Variants in EDDM13 observed in about 807,000 individuals in gnomAD.
EDDM13 encodes the protein epididymal protein 13.
A neutral mutation model predicts 17.8 loss-of-function variants in EDDM13; 24 were observed. The observed-to-expected ratio is 1.35, with a 90% CI of 0.98 to 1.90. The LOEUF is 1.90. EDDM13 is among the 40% of genes most tolerant of loss of function. The pLI, the probability that EDDM13 is intolerant of heterozygous loss-of-function variation, is 0.00. For synonymous variants in EDDM13, 31 were observed against 37.5 expected (o/e 0.83, Z 0.63); for missense variants, 97 against 100.8 (o/e 0.96, Z 0.16).
intron 4 of EDDM13, chr19:56,283,815 T>C (rs1481503654): frequency 6.6e-6 from 1 of 152,348 alleles, no homozygotes; most frequent in South Asian, 2.1e-4. Context: ...AAAGGGCTGG[T>C]GTGGGGTAAA....
intron 1 of EDDM13, chr19:56,274,370 CT>C (rs750375435): frequency 2.6e-5 from 4 of 151,750 alleles, no homozygotes; most frequent in Non-Finnish European, 5.9e-5. Flanking sequence ...AGGAAAATCG[CT>C]TGAACTCAGG....
chr19:56,282,931 G>T (rs1179335045), intron 4 of EDDM13: 1 of 152,258 alleles, frequency 6.6e-6, no homozygotes, highest in Non-Finnish European at 1.5e-5. Context: ...TAGGTGGAAT[G>T]AGACCATGGC....
intron 4 of EDDM13, 51 bp from the exon 5 acceptor site, chr19:56,284,147 C>T (rs546621886): frequency 9.1e-6 from 9 of 985,380 alleles, no homozygotes; most frequent in Admixed American, 1.2e-4. Flanking sequence ...TTCTGGACCA[C>T]GCATGTAACC....
Position 56,310,105 on chromosome 19 carries a change from T to C in EDDM13, c.462-19T>C, listed in dbSNP as rs1427841365. On this transcript the variant is annotated intron_variant, in intron 14 of 14. Coordinates refer to ENST00000649256, the MANE Select transcript of EDDM13 (RefSeq NM_001354658.2). The stretch of plus-strand genomic sequence containing the variant: ...AGACGAAAATCAATGCACAAATACA[T>C]TTCTCTCTCCTTTCTTAGGGATGAT... The C allele has an allele frequency of 6.6e-6, 1 of 152,260 alleles. No individual in the cohort carries two copies. Among genetic ancestry groups the C allele is most frequent in the Non-Finnish European group, 1.5e-5 (1 of 68,070 alleles). The allele number at this position is 152,260 out of a possible 1,614,324, so 9.4% of individuals were successfully genotyped here. A position where few individuals can be genotyped will look rare whatever the true frequency, so the allele number is the denominator to read the frequency against.
At chr19:56,282,174 G>A (rs1183401025) in intron 3 of EDDM13, among the ~76,000 whole-genome samples, 2 of 152,164 alleles carry the variant, frequency 1.3e-5, no homozygotes, top group Non-Finnish European at 2.9e-5. Flanking sequence ...GAGAAGTGGA[G>A]ATGACACTTG....
Position 56,302,063 on chromosome 19 carries a change from T to C in EDDM13, c.391T>C (p.Tyr131His), listed in dbSNP as rs944718112. 1.5e-5 allele frequency: 19 copies of C among 1,231,634 alleles called. No individual in the cohort carries two copies. Among genetic ancestry groups the C allele is most frequent in the South Asian group, 4.1e-5 (1 of 24,316 alleles). 76.3% of individuals were successfully genotyped at this position (1,231,634 alleles called of 1,614,324 possible). The change falls in exon 13 of 15, where the codon TAC becomes CAC. Residue 131 changes from tyrosine to histidine, a missense_variant. Tyr to His is a moderately conservative substitution (Grantham distance 83). Coordinates refer to ENST00000649256, the MANE Select transcript of EDDM13 (RefSeq NM_001354658.2). ...FLKCAYMVMT[Y>H]LFVSYNKGDW... ...GAAATGCGCCTACATGGTGATGACC[T>C]ACCTCTTCGTATCCTACAACAAAGG...
chr19:56,288,241 CCT>C (rs2039269902), intron 6 of EDDM13, among the ~76,000 whole-genome samples, 142 bp from the exon 7 acceptor site: 1 of 152,316 alleles, frequency 6.6e-6, no homozygotes, highest in Middle Eastern at 3.4e-3. Context: ...CCATCATGCC[CCT>C]GAGGTGGGCT....
chr19:56,309,830 T>C (rs908273157), intron 14 of EDDM13, among the ~76,000 whole-genome samples: 13 of 152,156 alleles, frequency 8.5e-5, no homozygotes, highest in African/African-American at 3.1e-4. Context: ...GGCTGGTTTC[T>C]AGAAGAGCCC....
chr19:56,306,152 C>A (rs1335630066), intron 14 of EDDM13, among the ~76,000 whole-genome samples: 2 of 152,162 alleles, frequency 1.3e-5, no homozygotes, highest in African/African-American at 4.8e-5. Flanking sequence ...AGTGTAGAGG[C>A]CAGTTAAGAG....
chr19:56,287,938 T>G (rs548634850), intron 6 of EDDM13, among the ~76,000 whole-genome samples: 1 of 152,336 alleles, frequency 6.6e-6, no homozygotes, highest in South Asian at 2.1e-4. Flanking sequence ...CAGTGTTAGC[T>G]CTGAAACTCT....
In EDDM13 at chr19:56,302,114, G is replaced by A. The variant is rs1429215678; in HGVS notation, c.423+19G>A. ...GGACTGGGTAAGAAGAAGGCAGCAC[G>A]GAGGGGAGGAGTGTGAGGAGAGGAA... On this transcript the variant is annotated intron_variant, in intron 13 of 14. Transcript: ENST00000649256. 7.3e-6 allele frequency: 9 copies of A among 1,230,660 alleles called. No individual in the cohort carries two copies. The highest frequency in any genetic ancestry group is 8.1e-6 in the Non-Finnish European group (8 of 987,110). 76.2% of individuals were successfully genotyped at this position (1,230,660 alleles called of 1,614,324 possible). A position where few individuals can be genotyped will look rare whatever the true frequency, so the allele number is the denominator to read the frequency against.
chr19:56,294,515 G>A (rs551848174), intron 9 of EDDM13, among the ~76,000 whole-genome samples: 25 of 152,044 alleles, frequency 1.6e-4, no homozygotes, highest in South Asian at 6.2e-4. Flanking sequence ...TCTGTAAAGC[G>A]CTAAATAGTA....
At chr19:56,283,508 G>A (rs1160343341) in intron 4 of EDDM13, 2 of 152,126 alleles carry the variant, frequency 1.3e-5, no homozygotes, top group Non-Finnish European at 2.9e-5. Flanking sequence ...TCCCAACAAC[G>A]TTAGGCATTA....
intron 9 of EDDM13, among the ~76,000 whole-genome samples, chr19:56,291,814 T>C (rs188756233): frequency 1.6e-4 from 24 of 152,264 alleles, no homozygotes; most frequent in Admixed American, 5.2e-4. Context: ...GGATGTCTCA[T>C]GGAAACCAAT....
At chr19:56,291,307 A>C (rs374831411) in intron 9 of EDDM13, among the ~76,000 whole-genome samples, 2 of 152,122 alleles carry the variant, frequency 1.3e-5, no homozygotes, top group African/African-American at 4.8e-5. Flanking sequence ...GTATCTTCCT[A>C]ATCTCTGGAA....
At chr19:56,305,297 C>T (rs527413905) in intron 14 of EDDM13, among the ~76,000 whole-genome samples, 1 of 152,328 alleles carries the variant, frequency 6.6e-6, no homozygotes, top group African/African-American at 2.4e-5. Context: ...TCTCTGAGAA[C>T]TCACCTACTC....
intron 13 of EDDM13, chr19:56,303,006 C>T (rs1049881661): frequency 2.0e-5 from 8 of 396,216 alleles, no homozygotes; most frequent in South Asian, 1.4e-4. Context: ...GAGGCAGTGG[C>T]GCTTATCTCA....
chr19:56,287,929 A>T (rs1392052326), intron 6 of EDDM13, among the ~76,000 whole-genome samples: 1 of 152,230 alleles, frequency 6.6e-6, no homozygotes, highest in African/African-American at 2.4e-5. Context: ...GGACACTTCC[A>T]GTGTTAGCTC....
chr19:56,306,234 AAGAC>A (rs1362773801), intron 14 of EDDM13, among the ~76,000 whole-genome samples: 2 of 152,198 alleles, frequency 1.3e-5, no homozygotes, highest in African/African-American at 4.8e-5. Flanking sequence ...GAAAGTACGA[AAGAC>A]AGATGGGAGG....
Sources: gnomAD v4.1 joint callset for allele counts (sites outside exome capture counted in the v4.1 genomes callset) on GRCh38, gnomAD v4.1.1 for gene constraint, MANE v1.5 for transcripts, NCBI Gene and HGNC (gene_info 2026-07-23, HGNC 2026-07-21) for gene names.